Variants in RBM33 observed in about 807,000 individuals in gnomAD.
RBM33 encodes RNA binding motif protein 33.
In RBM33, 28 loss-of-function variants were observed where a neutral mutation model predicts 132.6. The observed-to-expected ratio is 0.21, with a 90% CI of 0.16 to 0.29. The LOEUF (loss-of-function observed/expected upper bound fraction) is 0.29. Among genes scored for constraint, RBM33 ranks in the 10% least tolerant of loss-of-function variants. The pLI is 1.00. For synonymous variants in RBM33, 634 were observed against 593.0 expected, an observed-to-expected ratio of 1.07 and a Z score of -1.01; for missense variants, 1,291 against 1,518.5, an observed-to-expected ratio of 0.85 and a Z score of 2.49.
At chr7:155,754,787 A>G (rs912774426) in intron 14 of RBM33, among the ~76,000 whole-genome samples, 1 of 152,256 alleles carries the variant, frequency 6.6e-6, no homozygotes, top group Admixed American at 6.5e-5. Context: ...ATGTGCTAAG[A>G]GAACCCTTTT....
intron 13 of RBM33, 22 bp from the exon 14 acceptor site, chr7:155,744,939 C>T: frequency 6.5e-7 from 1 of 1,531,116 alleles, no homozygotes; most frequent in South Asian, 1.3e-5. Flanking sequence ...GCAAAGTAAA[C>T]CGTGTATGTT....
chr7:155,741,073 C>G (rs1308567593), intron 12 of RBM33, among the ~76,000 whole-genome samples: 4 of 152,186 alleles, frequency 2.6e-5, no homozygotes, highest in Non-Finnish European at 5.9e-5. Context: ...AACTAAAGTG[C>G]TGTGAACAGT....
At chr7:155,757,204 C>T (rs10252910) in intron 14 of RBM33, among the ~76,000 whole-genome samples, 2,457 of 152,226 alleles carry the variant, frequency 0.016, 61 homozygotes, top group African/African-American at 0.055. Flanking sequence ...AGAAGTTGTT[C>T]ACCTGATCCA....
rs939309705 is a variant in RBM33 at position 155,779,922 on chromosome 7, TATTTTACTGA to T, written c.*4882_*4891del. On this transcript the variant is annotated 3_prime_UTR_variant, in exon 18 of 18. Coordinates refer to ENST00000401878, the MANE Select transcript of RBM33 (RefSeq NM_053043.3). Reference sequence around the variant, plus strand: ...TTCATGTTGATATTTTGCTTGGTTTTATTTTACTGATTTTAAAAGGTATATAGAAAAATGT... The same window carrying T: ...TTCATGTTGATATTTTGCTTGGTTTTTTTTAAAAGGTATATAGAAAAATGT... 1 of 152,232 alleles carries T rather than the reference TATTTTACTGA, an allele frequency of 6.6e-6. No individual in the cohort carries two copies. The highest frequency in any genetic ancestry group is 1.5e-5 in the Non-Finnish European group (1 of 68,040). 9.4% of individuals were successfully genotyped at this position (152,232 alleles called of 1,614,324 possible). A position where few individuals can be genotyped will look rare whatever the true frequency, so the allele number is the denominator to read the frequency against.
At chr7:155,701,893 G>A (rs911401160) in intron 6 of RBM33, among the ~76,000 whole-genome samples, 1 of 152,124 alleles carries the variant, frequency 6.6e-6, no homozygotes, top group Non-Finnish European at 1.5e-5. Flanking sequence ...TCACCATATT[G>A]TCCAGGCTGG....
At chr7:155,645,335 C>G (rs1177469496) in intron 1 of RBM33, 1 of 171,342 alleles carries the variant, frequency 5.8e-6, no homozygotes, top group Admixed American at 6.4e-5. Context: ...GCCATCCTGA[C>G]AGATTTAGAT....
At chr7:155,740,740 G>A (rs972129806) in intron 12 of RBM33, among the ~76,000 whole-genome samples, 1 of 152,192 alleles carries the variant, frequency 6.6e-6, no homozygotes, top group Non-Finnish European at 1.5e-5. Flanking sequence ...AGGAAAGGGA[G>A]ACACAGTGTG....
intron 3 of RBM33, among the ~76,000 whole-genome samples, chr7:155,673,766 G>GCACACACACACACACACA (rs776340484): frequency 8.3e-6 from 1 of 120,298 alleles, no homozygotes; most frequent in Non-Finnish European, 1.7e-5. Flanking sequence ...GCGCGCATGC[G>GCACACACACACACACACA]CGCACACACA....
At chr7:155,675,576 G>T (rs1799160509) in intron 3 of RBM33, among the ~76,000 whole-genome samples, 1 of 152,042 alleles carries the variant, frequency 6.6e-6, no homozygotes, top group Non-Finnish European at 1.5e-5. Flanking sequence ...TTTACTCTCA[G>T]GTGTCCGTCG....
intron 6 of RBM33, among the ~76,000 whole-genome samples, chr7:155,703,797 G>A (rs1011004443): frequency 2.0e-5 from 3 of 152,078 alleles, no homozygotes; most frequent in Non-Finnish European, 4.4e-5. Context: ...CAGTTTATTT[G>A]TGTGCTCCTA....
At chr7:155,750,314 ACAATT>A (rs1801652203) in intron 14 of RBM33, among the ~76,000 whole-genome samples, 1 of 152,232 alleles carries the variant, frequency 6.6e-6, no homozygotes, top group Non-Finnish European at 1.5e-5. Flanking sequence ...TCCCAGAAAA[ACAATT>A]CAAGTAATAA....
intron 5 of RBM33, among the ~76,000 whole-genome samples, chr7:155,681,357 A>C (rs1355478577): frequency 6.6e-6 from 1 of 152,218 alleles, no homozygotes; most frequent in Non-Finnish European, 1.5e-5. Context: ...GTAGATGAGA[A>C]CTGTCTAAAC....
intron 14 of RBM33, among the ~76,000 whole-genome samples, chr7:155,752,556 A>C (rs1801716738): frequency 6.8e-6 from 1 of 148,042 alleles, no homozygotes; most frequent in East Asian, 2.1e-4. Flanking sequence ...AATTTTGTTG[A>C]GGTTCTAACC....
At chr7:155,714,679 A>G (rs1800407344) in intron 8 of RBM33, among the ~76,000 whole-genome samples, 1 of 152,184 alleles carries the variant, frequency 6.6e-6, no homozygotes. Flanking sequence ...GGGCCATTAG[A>G]GCGAGAAGGT....
rs763659260 is a variant in RBM33 at position 155,711,142 on chromosome 7, G to A, written c.949-61G>A. The A allele has an allele frequency of 1.4e-5, 20 of 1,440,008 alleles. No homozygotes were observed. In the African/African-American group the frequency reaches 2.3e-4, roughly 17 times the overall value. The allele number at this position is 1,440,008 out of a possible 1,614,324, so 89.2% of individuals were successfully genotyped here. A position where few individuals can be genotyped will look rare whatever the true frequency, so the allele number is the denominator to read the frequency against. ...CATTCTTTTAAATGTTGATTTCGGT[G>A]AACTTTTGTTTTTTTTTTTGTGATT... On this transcript the variant is annotated intron_variant, in intron 7 of 17. Coordinates refer to ENST00000401878, the MANE Select transcript of RBM33 (RefSeq NM_053043.3).
Position 155,727,677 on chromosome 7 carries a change from T to C in RBM33, c.1260+9234T>C, listed in dbSNP as rs565080055. ...TATTTAAATATTTAAACTCTCAAGT[T>C]CTATTAGAGCAGTGGCAAGCCACAT... On this transcript the variant is annotated intron_variant, in intron 9 of 17. Coordinates refer to ENST00000401878, the MANE Select transcript of RBM33 (RefSeq NM_053043.3). Among the ~76,000 whole-genome samples the C allele has an allele frequency of 5.3e-5, 8 of 152,330 alleles. 1 individual carries two copies. Among genetic ancestry groups the C allele is most frequent in the Middle Eastern group, 6.8e-3 (2 of 294 alleles).
At position 155,766,503 on chromosome 7, in the gene RBM33, C is replaced by T. The variant is rs1802223073; in HGVS notation, c.3223C>T (p.Pro1075Ser). 12 of 1,613,758 alleles carry T rather than the reference C, an allele frequency of 7.4e-6. No homozygotes were observed. Among genetic ancestry groups the T allele is most frequent in the Non-Finnish European group, 1.0e-5 (12 of 1,179,844 alleles). ...MHGRGRGVAG[P>S]MGRGRLMPNK... ...CGGACGAGGCAGAGGAGTGGCCGGT[C>T]CCATGGGCCGGGGGCGCCTGATGCC... Residue 1075 changes from proline (P) to serine (S), a missense_variant, in exon 16 of 18, where the codon CCC (proline) becomes TCC (serine). Physicochemically the swap from Pro to Ser is moderately conservative, Grantham distance 74 (BLOSUM62 -1). This residue lies in a region of RBM33 where 841 missense variants were observed against 912.0 expected (regional missense o/e 0.92). Transcript: ENST00000401878.
intron 14 of RBM33, among the ~76,000 whole-genome samples, chr7:155,757,617 T>A (rs1201674453): frequency 6.6e-6 from 1 of 152,156 alleles, no homozygotes; most frequent in Non-Finnish European, 1.5e-5. Context: ...CTGAAGTTTG[T>A]TTAATGGGCA....
intron 1 of RBM33, among the ~76,000 whole-genome samples, chr7:155,661,769 T>C (rs1399185965): frequency 6.6e-6 from 1 of 152,186 alleles, no homozygotes; most frequent in Admixed American, 6.5e-5. Context: ...GGTTTTTTGA[T>C]CATGGTTTCA....
Sources: gnomAD v4.1 joint callset for allele counts (sites outside exome capture counted in the v4.1 genomes callset) on GRCh38, gnomAD v4.1.1 for gene constraint, gnomAD v4.1.1 regional missense constraint, MANE v1.5 for transcripts, NCBI Gene and HGNC (gene_info 2026-07-23, HGNC 2026-07-21) for gene names.